Variants in RTN4 observed in about 807,000 individuals in gnomAD.
The protein encoded by RTN4 is reticulon 4, also known as reticulon-4.
RTN4 carries 32 observed loss-of-function variants against 90.4 expected under a neutral mutation model. The observed-to-expected ratio is 0.35, with a 90% confidence interval of 0.27 to 0.48. The LOEUF is 0.48. RTN4 is among the 20% of genes least tolerant of loss of function. The pLI is 0.99. For missense variants in RTN4, 1,706 were observed against 1,430.2 expected (o/e 1.19, Z -3.11); for synonymous variants, 629 against 552.5 (o/e 1.14, Z -1.94).
At chr2:55,108,771 CA>C (rs1264130471) in intron 1 of RTN4, among the ~76,000 whole-genome samples, 1 of 151,908 alleles carries the variant, frequency 6.6e-6, no homozygotes, top group Non-Finnish European at 1.5e-5. Flanking sequence ...ACATTAATGG[CA>C]AAAACCGCAA....
chr2:55,076,855 T>C (rs957911944), intron 2 of RTN4, among the ~76,000 whole-genome samples: 2 of 152,152 alleles, frequency 1.3e-5, no homozygotes, highest in Non-Finnish European at 2.9e-5. Context: ...CTTTTCTCCC[T>C]TTGCTTGGTA....
intron 1 of RTN4, among the ~76,000 whole-genome samples, chr2:55,107,593 C>A (rs570217480): frequency 5.2e-4 from 79 of 151,982 alleles, no homozygotes; most frequent in African/African-American, 1.6e-3. Context: ...CTTATTTGAA[C>A]AACAAGGCTG....
intron 1 of RTN4, among the ~76,000 whole-genome samples, chr2:55,085,452 C>T (rs1573507846): frequency 6.6e-6 from 1 of 152,290 alleles, no homozygotes; most frequent in South Asian, 2.1e-4. Flanking sequence ...GTCTTCAGTT[C>T]GATGGCAGTC....
At chr2:55,071,640 G>A (rs1668516205) in intron 2 of RTN4, among the ~76,000 whole-genome samples, 1 of 150,538 alleles carries the variant, frequency 6.6e-6, no homozygotes, top group Non-Finnish European at 1.5e-5. Flanking sequence ...GGCGATCACT[G>A]ACTTCAGACT....
In RTN4 at chr2:55,066,193, T is replaced by TTGTGTG. The variant is rs57202019; in HGVS notation, c.-63+14290_-63+14295dup. On this transcript the variant is annotated intron_variant, in intron 2 of 3. Coordinates refer to the RTN4 transcript ENST00000427710. Reference sequence around the variant, plus strand: ...TTTGTGTGTGTGTGTGTGTGTGTGTTTGTGTGTGTGTGTGTGTGTGTGTGT... The same window carrying TTGTGTG: ...TTTGTGTGTGTGTGTGTGTGTGTGTTTGTGTGTGTGTGTGTGTGTGTGTGTGTGTGT... Among the ~76,000 whole-genome samples, 739 of 111,034 alleles carry TTGTGTG rather than the reference T, an allele frequency of 6.7e-3. 11 individuals are homozygous for TTGTGTG. The highest frequency in any genetic ancestry group is 0.019 in the African/African-American group (690 of 36,244). 72.8% of individuals were successfully genotyped at this position (111,034 alleles called of 152,430 possible). A position where few individuals can be genotyped will look rare whatever the true frequency, so the allele number is the denominator to read the frequency against.
upstream of RTN4, among the ~76,000 whole-genome samples, chr2:55,116,815 C>T (rs2105073748): frequency 6.6e-6 from 1 of 151,860 alleles, no homozygotes; most frequent in African/African-American, 2.4e-5. Context: ...TGTCTCATCT[C>T]TTCGACACTT....
intron 1 of RTN4, among the ~76,000 whole-genome samples, chr2:55,111,623 T>C (rs2920843): frequency 0.99 from 151,031 of 152,224 alleles, 74,927 homozygotes; most frequent in East Asian, 1. Flanking sequence ...AGACCTCTCC[T>C]AAGGACCCAC....
At chr2:55,132,490 G>A in the RTN4 span, among the ~76,000 whole-genome samples, 5 of 136,152 alleles carry the variant, frequency 3.7e-5, no homozygotes, top group South Asian at 9.8e-4. Context: ...GCAACAGAGT[G>A]AGACTCTGTC....
intron 1 of RTN4, among the ~76,000 whole-genome samples, chr2:55,090,029 C>T (rs1297979955): frequency 6.6e-6 from 1 of 152,180 alleles, no homozygotes; most frequent in Non-Finnish European, 1.5e-5. Context: ...ATGAAGAACA[C>T]ATGTTTTCTA....
chr2:54,973,064 A>G lies in RTN4; in HGVS notation c.*92T>C, dbSNP rs1677238479. The stretch of plus-strand genomic sequence containing the variant: ...CAACGATCTGTGAAACTGCACTGCA[A>G]CGTCAAGGTTCGTTCTTCCCTGACC... On this transcript the variant is annotated 3_prime_UTR_variant, in exon 9 of 9. Coordinates refer to ENST00000337526, the MANE Select transcript of RTN4 (RefSeq NM_020532.5). 9.9e-7 allele frequency: 1 copy of G among 1,006,726 alleles called. No homozygotes were observed. Among genetic ancestry groups the G allele is most frequent in the Non-Finnish European group, 1.5e-6 (1 of 656,308 alleles). 62.4% of individuals were successfully genotyped at this position (1,006,726 alleles called of 1,614,324 possible).
In RTN4 at chr2:54,973,012, A is replaced by G. The variant is rs1164053027; in HGVS notation, c.*144T>C. On this transcript the variant is annotated 3_prime_UTR_variant, in exon 9 of 9. Transcript: ENST00000337526. ...AAGACAGGTAATTTTTCCTCACAAC[A>G]GTGCATGGCTAAAAATAAAGATCTA... 1 of 613,250 alleles carries G rather than the reference A, an allele frequency of 1.6e-6. No homozygotes were observed. Among genetic ancestry groups the G allele is most frequent in the Non-Finnish European group, 2.9e-6 (1 of 348,534 alleles). 38.0% of individuals were successfully genotyped at this position (613,250 alleles called of 1,614,324 possible).
chr2:55,087,445 A>G (rs948153204), intron 1 of RTN4, among the ~76,000 whole-genome samples: 4 of 152,186 alleles, frequency 2.6e-5, no homozygotes, highest in Non-Finnish European at 5.9e-5. Flanking sequence ...ATTGGTTTGC[A>G]TGTTTTCAAA....
At chr2:54,984,844 G>A (rs1678420301) in intron 4 of RTN4, among the ~76,000 whole-genome samples, 1 of 152,208 alleles carries the variant, frequency 6.6e-6, no homozygotes, top group Admixed American at 6.5e-5. Context: ...AGTGGTGCAT[G>A]CCTGTAGTCC....
At chr2:55,005,962 T>G (rs1233883612) in intron 3 of RTN4, among the ~76,000 whole-genome samples, 2 of 152,148 alleles carry the variant, frequency 1.3e-5, no homozygotes, top group Admixed American at 6.6e-5. Flanking sequence ...TTTTAGATTT[T>G]CAGATTAGGG....
intron 1 of RTN4, among the ~76,000 whole-genome samples, chr2:55,109,471 C>G (rs761527593): frequency 6.6e-6 from 1 of 152,102 alleles, no homozygotes; most frequent in African/African-American, 2.4e-5. Context: ...TACAGTATCA[C>G]GTAGCTAGGT....
At chr2:55,089,694 C>T (rs1195020708) in intron 1 of RTN4, among the ~76,000 whole-genome samples, 8 of 152,242 alleles carry the variant, frequency 5.3e-5, no homozygotes, top group Non-Finnish European at 1.0e-4. Context: ...CTGCGAAATG[C>T]AAACACTTGA....
chr2:55,001,391 A>G (rs947529720), intron 3 of RTN4, among the ~76,000 whole-genome samples: 12 of 152,224 alleles, frequency 7.9e-5, no homozygotes, highest in African/African-American at 2.9e-4. Context: ...AACCAACACT[A>G]TTTGAGGAGT....
At chr2:55,084,255 C>T (rs1337005703) in intron 1 of RTN4, among the ~76,000 whole-genome samples, 1 of 151,804 alleles carries the variant, frequency 6.6e-6, no homozygotes, top group Non-Finnish European at 1.5e-5. Flanking sequence ...CATACATTGC[C>T]TTGTGCATCT....
At position 55,025,734 on chromosome 2, in the gene RTN4, T is replaced by C. The variant is rs780469514; in HGVS notation, c.2365A>G (p.Ser789Gly). The part of the protein sequence containing the change: ...MIEYENKEKL[S>G]ALPPEGGKPY... ...TTTCCTCCCTCAGGTGGCAAAGCACTGAGTTTTTCCTTATTTTCATATTCT... is the reference window on the plus strand; with the variant it reads ...TTTCCTCCCTCAGGTGGCAAAGCACCGAGTTTTTCCTTATTTTCATATTCT... The change falls in exon 3 of 9, where the codon AGT becomes GGT. Residue 789 changes from serine (S) to glycine (G), a missense_variant. By Grantham distance (56) the Ser-to-Gly change is moderately conservative. Transcript: ENST00000337526. The C allele has an allele frequency of 1.2e-5, 19 of 1,613,608 alleles. No individual in the cohort carries two copies. Among genetic ancestry groups the C allele is most frequent in the Non-Finnish European group, 1.4e-5 (17 of 1,179,806 alleles).
Sources: allele counts gnomAD v4.1 joint callset (sites outside exome capture counted in the v4.1 genomes callset), GRCh38; gene constraint gnomAD v4.1.1; transcripts MANE v1.5; gene names NCBI Gene and HGNC (gene_info 2026-07-23, HGNC 2026-07-21).